VPS8: variants seen among roughly 807,000 people sequenced by gnomAD.
The protein encoded by VPS8 is VPS8 subunit of CORVET complex, also known as vacuolar protein sorting-associated protein 8 homolog.
In VPS8, 129 loss-of-function variants were observed where a neutral mutation model predicts 216.4. That is an observed-to-expected ratio of 0.60 (90% CI 0.52 to 0.69). The LOEUF (loss-of-function observed/expected upper bound fraction) is 0.69, where lower values mean the gene tolerates loss of function less well. Among genes scored for constraint, VPS8 ranks in the 30% least tolerant of loss-of-function variants. The probability of loss-of-function intolerance (pLI) is 0.00; values close to 1 mark genes in which losing one functional copy is unlikely to be tolerated. For missense variants in VPS8, 1,531 were observed against 1,683.5 expected (o/e 0.91, Z 1.59); for synonymous variants, 571 against 565.4 (o/e 1.01, Z -0.14).
chr3:184,911,711 A>T (rs554449920), intron 25 of VPS8, among the ~76,000 whole-genome samples: 1 of 152,172 alleles, frequency 6.6e-6, no homozygotes, highest in Non-Finnish European at 1.5e-5. Context: ...TTCCACATGA[A>T]TAGACTCCCT....
At chr3:184,954,535 G>A (rs1438734897) in intron 36 of VPS8, among the ~76,000 whole-genome samples, 1 of 152,120 alleles carries the variant, frequency 6.6e-6, no homozygotes, top group Admixed American at 6.5e-5. Context: ...ACTTTGGAAA[G>A]CTTAAGGATT....
At chr3:185,023,612 C>T (rs1430265819) in intron 45 of VPS8, among the ~76,000 whole-genome samples, 2 of 152,028 alleles carry the variant, frequency 1.3e-5, no homozygotes, top group East Asian at 1.9e-4. Context: ...GAGCCAAGAT[C>T]GTGCCATTGC....
chr3:184,901,197 C>T (rs986602281), intron 25 of VPS8: 8 of 479,544 alleles, frequency 1.7e-5, no homozygotes, highest in African/African-American at 1.6e-4. Context: ...CTGCTCTGGG[C>T]AGTCACTGAT....
In VPS8 at chr3:185,004,491, C is replaced by T. The variant is rs145298474; in HGVS notation, c.4002+4630C>T. On this transcript the variant is annotated intron_variant, in intron 45 of 47. Coordinates refer to ENST00000625842, the MANE Select transcript of VPS8 (RefSeq NM_001009921.3). ...CGTGGAAAGAGAGGGAGAGGGAGAC[C>T]GTGGGGAGAGGGAGACCGCGGGGAG... is the stretch of plus-strand genomic sequence containing the variant. Among the ~76,000 whole-genome samples the T allele has an allele frequency of 4.0e-4, 60 of 151,636 alleles. No homozygotes were observed. In the East Asian group the frequency reaches 0.011, roughly 28 times the overall value.
At chr3:184,850,048 A>G in intron 10 of VPS8, 26 bp downstream of exon 10, 1 of 1,570,928 alleles carries the variant, frequency 6.4e-7, no homozygotes, top group Non-Finnish European at 8.6e-7. Context: ...TCTTTTCCTA[A>G]TAATTTTTTT....
chr3:184,865,280 A>ACG (rs1370539835), intron 16 of VPS8, among the ~76,000 whole-genome samples: 1 of 152,270 alleles, frequency 6.6e-6, no homozygotes, highest in African/African-American at 2.4e-5. Flanking sequence ...AGACACACAC[A>ACG]TTTAAGAAGC....
chr3:184,847,291 C>A (rs1335682429), intron 8 of VPS8, among the ~76,000 whole-genome samples: 1 of 152,180 alleles, frequency 6.6e-6, no homozygotes, highest in Non-Finnish European at 1.5e-5. Context: ...AGGACTCTTA[C>A]AGTATTCACT....
At chr3:184,959,949 A>G (rs890150579) in intron 37 of VPS8, among the ~76,000 whole-genome samples, 11 of 151,866 alleles carry the variant, frequency 7.2e-5, no homozygotes, top group African/African-American at 2.7e-4. Context: ...TCAACTCGTC[A>G]TTTACATTAG....
Position 185,051,922 on chromosome 3 carries a change from A to G in VPS8, c.4184A>G (p.Tyr1395Cys), listed in dbSNP as rs758969053. 3.1e-6 allele frequency: 5 copies of G among 1,613,530 alleles called. No individual in the cohort carries two copies. The Admixed American group carries it at 8.3e-5, about 27-fold the overall frequency. ...ELSQNRSSES[Y>C]RPFSGSQSAP... is the part of the protein sequence containing the mutation. ...TCCCAGAATCGCAGCAGCGAGAGCT[A>G]TAGGCCATTCAGTGGCTCGCAGAGT... The change falls in exon 48 of 48, where the codon TAT (tyrosine) becomes TGT (cysteine). Residue 1395 changes from tyrosine to cysteine, a missense_variant. Physicochemically the swap from Tyr to Cys is radical, Grantham distance 194. Around this residue, in one of 3 missense-constraint regions of VPS8, gnomAD observed 1,318 missense variants for 1,468.4 expected, o/e 0.90. Coordinates refer to ENST00000625842, the MANE Select transcript of VPS8 (RefSeq NM_001009921.3).
intron 13 of VPS8, among the ~76,000 whole-genome samples, 159 bp downstream of exon 13, chr3:184,854,332 T>G (rs777323319): frequency 2.0e-5 from 3 of 152,182 alleles, no homozygotes; most frequent in Non-Finnish European, 4.4e-5. Context: ...CTTAAGGTGA[T>G]CAAAGCATCA....
At chr3:184,992,312 C>T (rs962012124) in intron 42 of VPS8, among the ~76,000 whole-genome samples, 6 of 152,108 alleles carry the variant, frequency 3.9e-5, no homozygotes, top group South Asian at 2.1e-4. Context: ...ACATGTTTCT[C>T]GTGTTTTCCA....
At chr3:185,048,252 A>G (rs995313333) in intron 46 of VPS8, among the ~76,000 whole-genome samples, 2 of 152,228 alleles carry the variant, frequency 1.3e-5, no homozygotes, top group African/African-American at 4.8e-5. Context: ...CTCCATTGGG[A>G]AAAGGGTCCA....
At chr3:184,861,024 G>T (rs558705081) in intron 15 of VPS8, among the ~76,000 whole-genome samples, 1 of 151,852 alleles carries the variant, frequency 6.6e-6, no homozygotes, top group Non-Finnish European at 1.5e-5. Context: ...GGATTTCACC[G>T]TGTTAGCCAG....
intron 1 of VPS8, among the ~76,000 whole-genome samples, chr3:184,816,556 C>T (rs187882449): frequency 1.1e-3 from 166 of 152,202 alleles, no homozygotes; most frequent in Non-Finnish European, 2.0e-3. Context: ...GAAAGAAATT[C>T]CAGGGTCAAG....
intron 23 of VPS8, among the ~76,000 whole-genome samples, chr3:184,897,417 G>C (rs1328723704): frequency 1.3e-5 from 2 of 152,218 alleles, no homozygotes; most frequent in African/African-American, 4.8e-5. Context: ...CCTTTGAGAA[G>C]ATTGCAAGAC....
At chr3:184,855,500 T>C (rs1410633202) in intron 13 of VPS8, among the ~76,000 whole-genome samples, 2 of 152,216 alleles carry the variant, frequency 1.3e-5, no homozygotes, top group Admixed American at 6.5e-5. Context: ...CTTAACACTT[T>C]TGTAACTCAA....
chr3:184,984,194 A>AAAAAAAAAAAAAAAAAAAAACTCACCAAG, intron 42 of VPS8, among the ~76,000 whole-genome samples: 1,080 of 46,514 alleles, frequency 0.023, 451 homozygotes, highest in African/African-American at 0.059. Context: ...AAAAAAAAAA[A>AAAAAAAAAAAAAAAAAAAAACTCACCAAG]CTCTACTTCC....
At chr3:184,996,228 G>T (rs1252491727) in intron 43 of VPS8, 104 bp from the exon 44 acceptor site, 16 of 1,325,584 alleles carry the variant, frequency 1.2e-5, no homozygotes, top group Non-Finnish European at 1.6e-5. Context: ...AATTTTAGCT[G>T]TTGGTAGTTG....
At chr3:184,825,776 T>C (rs531627882) in intron 2 of VPS8, among the ~76,000 whole-genome samples, 13 of 152,094 alleles carry the variant, frequency 8.5e-5, no homozygotes, top group African/African-American at 2.9e-4. Context: ...TGGTGGCACG[T>C]GCCTGTACTC....
Sources: gnomAD v4.1 joint callset for allele counts (sites outside exome capture counted in the v4.1 genomes callset) on GRCh38, gnomAD v4.1.1 for gene constraint, gnomAD v4.1.1 regional missense constraint, MANE v1.5 for transcripts, NCBI Gene and HGNC (gene_info 2026-07-23, HGNC 2026-07-21) for gene names.